The following PCGF5 variants were observed in gnomAD, a reference collection of about 807,000 sequenced individuals.
The protein encoded by PCGF5 is polycomb group RING finger protein 5.
Under a neutral mutation model 44.3 loss-of-function variants are expected in PCGF5, and 9 were observed. The ratio of observed to expected loss-of-function variants is 0.20; its 90% CI spans 0.12 to 0.35. The LOEUF (loss-of-function observed/expected upper bound fraction) is 0.35, where lower values mean the gene tolerates loss of function less well. PCGF5 is among the 10% of genes least tolerant of loss of function. PCGF5 has a pLI of 1.00. For synonymous variants in PCGF5, 95 were observed against 102.5 expected (o/e 0.93, Z 0.44); for missense variants, 146 against 305.3 (o/e 0.48, Z 3.89).
chr10:91,258,840 T>G (rs781752779), intron 6 of PCGF5, among the ~76,000 whole-genome samples: 4 of 152,204 alleles, frequency 2.6e-5, no homozygotes, highest in Non-Finnish European at 5.9e-5. Flanking sequence ...TGTTAATTTA[T>G]TTCTGTTGGT....
At chr10:91,186,605 T>TACAC (rs71923551) in intron 1 of PCGF5, among the ~76,000 whole-genome samples, 3 of 151,028 alleles carry the variant, frequency 2.0e-5, no homozygotes, top group Non-Finnish European at 4.4e-5. Context: ...TGTGTATATA[T>TACAC]ACACACATAT....
intron 7 of PCGF5, among the ~76,000 whole-genome samples, chr10:91,262,098 T>C (rs1845927872): frequency 1.3e-5 from 2 of 152,194 alleles, no homozygotes; most frequent in African/African-American, 4.8e-5. Flanking sequence ...TTTCCCCTTC[T>C]TCCCTTTCGA....
At chr10:91,167,266 T>C (rs904853020) in intron 1 of PCGF5, among the ~76,000 whole-genome samples, 3 of 152,152 alleles carry the variant, frequency 2.0e-5, no homozygotes, top group African/African-American at 7.2e-5. Flanking sequence ...TATAAAGCAA[T>C]ATAAGAAGAA....
intron 1 of PCGF5, among the ~76,000 whole-genome samples, chr10:91,212,923 G>C (rs1844479380): frequency 6.6e-6 from 1 of 152,090 alleles, no homozygotes; most frequent in Admixed American, 6.5e-5. Context: ...TAGAAACTAT[G>C]AAAAATTGTA....
chr10:91,237,873 C>G (rs1436913059), intron 2 of PCGF5, among the ~76,000 whole-genome samples: 2 of 152,066 alleles, frequency 1.3e-5, no homozygotes, highest in Non-Finnish European at 2.9e-5. Flanking sequence ...TACTGCATCT[C>G]AGTTGTTGGT....
intron 2 of PCGF5, among the ~76,000 whole-genome samples, chr10:91,225,336 A>G (rs1006779788): frequency 2.4e-4 from 36 of 150,036 alleles, no homozygotes; most frequent in African/African-American, 8.8e-4. Flanking sequence ...TCTCAACAGC[A>G]ATTTAAAGCC....
intron 7 of PCGF5, among the ~76,000 whole-genome samples, chr10:91,262,565 A>G (rs1845949004): frequency 6.6e-6 from 1 of 152,238 alleles, no homozygotes; most frequent in Non-Finnish European, 1.5e-5. Context: ...TAGGAGACAT[A>G]AAATGTGATA....
intron 1 of PCGF5, among the ~76,000 whole-genome samples, chr10:91,199,784 G>A (rs533043124): frequency 1.7e-4 from 25 of 146,620 alleles, no homozygotes; most frequent in Admixed American, 3.5e-4. Flanking sequence ...GGGAAGTGGA[G>A]TAAATAAACA....
chr10:91,258,080 C>A (rs1028559893), intron 6 of PCGF5, among the ~76,000 whole-genome samples: 2 of 151,896 alleles, frequency 1.3e-5, no homozygotes, highest in African/African-American at 4.8e-5. Flanking sequence ...TCCATTTATA[C>A]GAAATATCCA....
At chr10:91,219,153 G>A (rs1844603593), upstream of PCGF5, among the ~76,000 whole-genome samples, 1 of 152,034 alleles carries the variant, frequency 6.6e-6, no homozygotes, top group Admixed American at 6.6e-5. Context: ...AGTCCATTCT[G>A]GCAACCCCAC....
At chr10:91,188,518 T>C (rs1221038895) in intron 1 of PCGF5, among the ~76,000 whole-genome samples, 1 of 152,246 alleles carries the variant, frequency 6.6e-6, no homozygotes, top group Non-Finnish European at 1.5e-5. Context: ...AAATTAAATA[T>C]AATTTTGCTG....
At chr10:91,156,798 T>C in the PCGF5 span, among the ~76,000 whole-genome samples, 4 of 152,238 alleles carry the variant, frequency 2.6e-5, no homozygotes, top group Admixed American at 2.0e-4. Context: ...ATTATCCATC[T>C]CTTCCGAAAG....
intron 1 of PCGF5, among the ~76,000 whole-genome samples, chr10:91,211,798 C>T (rs568105731): frequency 2.0e-5 from 3 of 152,174 alleles, no homozygotes; most frequent in East Asian, 1.9e-4. Context: ...GAAGCCTGGT[C>T]GAGTTGTTAA....
At chr10:91,158,812 A>G (rs939015602), upstream of PCGF5, among the ~76,000 whole-genome samples, 14 of 152,254 alleles carry the variant, frequency 9.2e-5, no homozygotes, top group Admixed American at 6.5e-5. Context: ...AGGCTGAAGA[A>G]TAACAGATAA....
chr10:91,275,093 C>T lies in PCGF5; in HGVS notation c.724-3176C>T, dbSNP rs564740237. Among the ~76,000 whole-genome samples the T allele has an allele frequency of 4.1e-3, 623 of 151,986 alleles. 6 individuals are homozygous for T. Among genetic ancestry groups the T allele is most frequent in the Admixed American group, 5.6e-3 (86 of 15,276 alleles). On this transcript the variant is annotated intron_variant, in intron 9 of 9. Coordinates refer to ENST00000336126, the MANE Select transcript of PCGF5 (RefSeq NM_032373.5). The stretch of plus-strand genomic sequence containing the variant: ...TTGAATTGACTATTAATATTAAAAG[C>T]ACATGGCAAAAATATCATAAAATAT...
At position 91,164,581 on chromosome 10, in the gene PCGF5, A is replaced by G. The variant is rs374663064; in HGVS notation, c.-184+1500A>G. Among the ~76,000 whole-genome samples the G allele has an allele frequency of 2.3e-4, 35 of 152,366 alleles. 1 individual carries two copies. Among genetic ancestry groups the G allele is most frequent in the African/African-American group, 7.9e-4 (33 of 41,586 alleles). On this transcript the variant is annotated intron_variant, in intron 1 of 9. Coordinates refer to the PCGF5 transcript ENST00000614189. ...GTGGATCTTAAAAGAAGACTCCTTA[A>G]GACTAGTTTTTTGAGGGTTTTTAAA...
intron 3 of PCGF5, among the ~76,000 whole-genome samples, chr10:91,248,155 C>T (rs1276443196): frequency 1.3e-5 from 2 of 152,126 alleles, no homozygotes; most frequent in African/African-American, 4.8e-5. Context: ...GGCTTAGAAC[C>T]AAGCAGTCAC....
rs564456064 is a variant in PCGF5 at position 91,185,430 on chromosome 10, A to G, written c.-184+22349A>G. Among the ~76,000 whole-genome samples, 10 of 152,300 alleles carry G rather than the reference A, an allele frequency of 6.6e-5. No individual in the cohort carries two copies. The East Asian group carries it at 1.9e-3, about 29-fold the overall frequency. ...AGGAACTGTGTCACAGCTCCATGCAACACTGTTGTCCGTGCCTGGCTGGAA... is the reference window on the plus strand; with the variant it reads ...AGGAACTGTGTCACAGCTCCATGCAGCACTGTTGTCCGTGCCTGGCTGGAA... On this transcript the variant is annotated intron_variant, in intron 1 of 9. Coordinates refer to the PCGF5 transcript ENST00000614189.
intron 7 of PCGF5, among the ~76,000 whole-genome samples, chr10:91,263,771 A>G (rs1478640392): frequency 6.6e-6 from 1 of 152,150 alleles, no homozygotes; most frequent in East Asian, 1.9e-4. Context: ...GCAAAGTGGG[A>G]AGAGGATCCT....
Sources: gnomAD v4.1 joint callset for allele counts (sites outside exome capture counted in the v4.1 genomes callset) on GRCh38, gnomAD v4.1.1 for gene constraint, MANE v1.5 for transcripts, NCBI Gene and HGNC (gene_info 2026-07-23, HGNC 2026-07-21) for gene names.